The following CCSER1 variants were observed in gnomAD, a reference collection of about 807,000 sequenced individuals.
CCSER1 encodes serine-rich coiled-coil domain-containing protein 1.
CCSER1 carries 41 observed loss-of-function variants against 82.0 expected under a neutral mutation model. That is an observed-to-expected ratio of 0.50 (90% CI 0.39 to 0.65). The LOEUF (loss-of-function observed/expected upper bound fraction) is 0.65. CCSER1 is among the 30% of genes least tolerant of loss of function. The pLI, the probability that CCSER1 is intolerant of heterozygous loss-of-function variation, is 0.00. For missense variants in CCSER1, 1,119 were observed against 1,064.2 expected (o/e 1.05, Z -0.72); for synonymous variants, 414 against 383.9 (o/e 1.08, Z -0.92).
At chr4:90,567,918 T>C (rs1482725538) in intron 5 of CCSER1, among the ~76,000 whole-genome samples, 2 of 152,354 alleles carry the variant, frequency 1.3e-5, no homozygotes, top group East Asian at 3.9e-4. Context: ...CCTGATGAAA[T>C]TTTTAATTTT....
chr4:91,079,336 G>A (rs146888000), intron 9 of CCSER1, among the ~76,000 whole-genome samples: 45 of 152,102 alleles, frequency 3.0e-4, no homozygotes, highest in Admixed American at 2.7e-3. Context: ...GCTTCATAAG[G>A]GAAGGAGAAA....
At chr4:90,131,985 G>C (rs1014772012) in intron 1 of CCSER1, among the ~76,000 whole-genome samples, 5 of 152,074 alleles carry the variant, frequency 3.3e-5, no homozygotes, top group Non-Finnish European at 2.9e-5. Context: ...GTATGTTTTG[G>C]TGACAGTAAA....
intron 10 of CCSER1, among the ~76,000 whole-genome samples, chr4:91,201,809 A>G (rs1735922091): frequency 6.6e-6 from 1 of 152,082 alleles, no homozygotes; most frequent in African/African-American, 2.4e-5. Flanking sequence ...CATCAGTAGA[A>G]TAAGCACTTT....
intron 10 of CCSER1, among the ~76,000 whole-genome samples, chr4:91,164,938 C>T (rs770717410): frequency 6.6e-5 from 10 of 152,206 alleles, no homozygotes; most frequent in South Asian, 2.1e-4. Context: ...TCTGTCAGCT[C>T]GTCAAAGTCA....
chr4:91,043,583 CTTTTT>C (rs11364315), intron 9 of CCSER1, among the ~76,000 whole-genome samples: 14 of 71,602 alleles, frequency 2.0e-4, no homozygotes, highest in East Asian at 4.3e-4. Context: ...CATCAGCCTT[CTTTTT>C]TTTTTTTTTT....
chr4:90,685,589 G>T (rs921041200), intron 6 of CCSER1, among the ~76,000 whole-genome samples: 3 of 152,030 alleles, frequency 2.0e-5, no homozygotes, highest in African/African-American at 7.2e-5. Context: ...ACAGACATAT[G>T]TAAGACCCTC....
chr4:90,737,199 C>A (rs932385045), intron 7 of CCSER1, among the ~76,000 whole-genome samples: 3 of 152,062 alleles, frequency 2.0e-5, no homozygotes, highest in Non-Finnish European at 4.4e-5. Flanking sequence ...CTTACTATTG[C>A]CAGTGAGTTT....
chr4:90,582,631 T>C (rs942738861), intron 5 of CCSER1, among the ~76,000 whole-genome samples: 2 of 152,222 alleles, frequency 1.3e-5, no homozygotes, highest in African/African-American at 2.4e-5. Flanking sequence ...TTTATCATTA[T>C]GTGTGAGGTG....
intron 9 of CCSER1, among the ~76,000 whole-genome samples, chr4:90,924,848 T>A (rs1203827235): frequency 6.6e-6 from 1 of 152,146 alleles, no homozygotes; most frequent in Non-Finnish European, 1.5e-5. Flanking sequence ...TGCCTCACCA[T>A]CCCAGGTAAC....
chr4:90,391,287 GAAA>G (rs1185973310), intron 3 of CCSER1, among the ~76,000 whole-genome samples: 1 of 69,128 alleles, frequency 1.4e-5, no homozygotes, highest in African/African-American at 8.0e-5. Flanking sequence ...AAAAAAAAAA[GAAA>G]AAAAAAGAAA....
chr4:91,307,459 C>T (rs986300939), intron 10 of CCSER1, among the ~76,000 whole-genome samples: 2 of 151,982 alleles, frequency 1.3e-5, no homozygotes, highest in Middle Eastern at 3.4e-3. Context: ...CAAATTGTTA[C>T]AGCTGTAAGC....
At chr4:91,144,557 T>C (rs945277630) in intron 10 of CCSER1, among the ~76,000 whole-genome samples, 1 of 151,986 alleles carries the variant, frequency 6.6e-6, no homozygotes, top group Non-Finnish European at 1.5e-5. Context: ...GTTCTTTTCT[T>C]AATTTGACAT....
chr4:91,551,659 AC>A (rs1213603465), intron 10 of CCSER1, among the ~76,000 whole-genome samples: 3 of 10,096 alleles, frequency 3.0e-4, no homozygotes, highest in African/African-American at 9.9e-4. Flanking sequence ...AAAAACAAAC[AC>A]ACACACACAC....
chr4:90,714,796 A>G (rs80190052), intron 6 of CCSER1, among the ~76,000 whole-genome samples: 1 of 152,062 alleles, frequency 6.6e-6, no homozygotes, highest in East Asian at 1.9e-4. Flanking sequence ...CAATACCACT[A>G]TCAATAAAAA....
chr4:90,338,077 T>C (rs1740738097), intron 3 of CCSER1, among the ~76,000 whole-genome samples: 1 of 152,220 alleles, frequency 6.6e-6, no homozygotes, highest in South Asian at 2.1e-4. Context: ...ATGTGAATAT[T>C]GTACTCATAG....
intron 10 of CCSER1, among the ~76,000 whole-genome samples, chr4:91,205,144 T>C (rs1736235632): frequency 1.3e-5 from 2 of 151,776 alleles, no homozygotes; most frequent in African/African-American, 4.8e-5. Context: ...ATTTGAAGAC[T>C]CTTAAATAGG....
intron 10 of CCSER1, among the ~76,000 whole-genome samples, chr4:91,356,663 C>T (rs1032916456): frequency 7.9e-5 from 12 of 152,282 alleles, no homozygotes; most frequent in Admixed American, 7.2e-4. Flanking sequence ...ACCACAAATC[C>T]ACTCGGGGAT....
chr4:90,362,973 A>G (rs532828792), intron 3 of CCSER1, among the ~76,000 whole-genome samples: 1 of 152,186 alleles, frequency 6.6e-6, no homozygotes, highest in Non-Finnish European at 1.5e-5. Context: ...ATTATTATTT[A>G]GAGTGAATAT....
intron 4 of CCSER1, among the ~76,000 whole-genome samples, chr4:90,455,853 C>T (rs1021777525): frequency 6.6e-6 from 1 of 152,208 alleles, no homozygotes; most frequent in African/African-American, 2.4e-5. Context: ...GTTAGTCATG[C>T]TCACCTGCGC....
Sources: gnomAD v4.1 joint callset for allele counts (sites outside exome capture counted in the v4.1 genomes callset) on GRCh38, gnomAD v4.1.1 for gene constraint, MANE v1.5 for transcripts, NCBI Gene and HGNC (gene_info 2026-07-23, HGNC 2026-07-21) for gene names.